RGS21: variants seen among roughly 807,000 people sequenced by gnomAD.
RGS21 encodes regulator of G-protein signalling 21.
RGS21 carries 19 observed loss-of-function variants against 18.7 expected under a neutral mutation model. The observed-to-expected ratio is 1.01, with a 90% CI of 0.71 to 1.49. The LOEUF is 1.49. Among genes scored for constraint, RGS21 ranks in the 40% most tolerant of loss-of-function variants. RGS21 has a pLI of 0.00. For synonymous variants in RGS21, 56 were observed against 57.8 expected (o/e 0.97, Z 0.14); for missense variants, 194 against 176.8 (o/e 1.10, Z -0.55).
intron 1 of RGS21, among the ~76,000 whole-genome samples, chr1:192,326,414 T>C (rs1658569290): frequency 1.3e-5 from 2 of 152,034 alleles, no homozygotes; most frequent in Admixed American, 1.3e-4. Context: ...GTAAGATAAA[T>C]TCCACACCTA....
chr1:192,338,123 C>T (rs918427893), intron 1 of RGS21, among the ~76,000 whole-genome samples: 3 of 152,054 alleles, frequency 2.0e-5, no homozygotes, highest in African/African-American at 7.2e-5. Flanking sequence ...TCCAAGCAGC[C>T]ACTTTGGGAG....
chr1:192,354,075 G>T (rs1019726699), intron 4 of RGS21, among the ~76,000 whole-genome samples: 1 of 151,376 alleles, frequency 6.6e-6, no homozygotes, highest in South Asian at 2.1e-4. Context: ...ATATTACACC[G>T]ATTGCAATCT....
rs1241233239 is a variant in RGS21, at chr1:192,347,353, T to C, written c.52T>C (p.Trp18Arg). The change falls in exon 3 of 5, where the codon TGG (tryptophan) becomes CGG (arginine). Residue 18 changes from tryptophan (W) to arginine (R), a missense_variant. Trp to Arg is a moderately radical substitution (Grantham distance 101). Coordinates refer to ENST00000417209, the MANE Select transcript of RGS21 (RefSeq NM_001039152.3). ...GTCACCAACTGCGGAAACAATGACA[T>C]GGTCTGAAAATATGGACACGCTTTT... ...YRSPTAETMT[W>R]SENMDTLLAN... is the part of the protein sequence containing the mutation. The C allele has an allele frequency of 6.2e-7, 1 of 1,607,992 alleles. No individual in the cohort carries two copies. The highest frequency in any genetic ancestry group is 8.5e-7 in the Non-Finnish European group (1 of 1,175,240).
intron 4 of RGS21, among the ~76,000 whole-genome samples, chr1:192,357,153 A>G (rs956918394): frequency 6.6e-6 from 1 of 151,890 alleles, no homozygotes; most frequent in Non-Finnish European, 1.5e-5. Flanking sequence ...ATTTCGAAGA[A>G]GTAACTGGTA....
intron 4 of RGS21, among the ~76,000 whole-genome samples, chr1:192,358,145 C>A (rs1659135882): frequency 6.6e-6 from 1 of 151,972 alleles, no homozygotes; most frequent in African/African-American, 2.4e-5. Context: ...CCTTTATCAC[C>A]ACAGAAATCG....
chr1:192,366,098 C>G lies in RGS21; in HGVS notation c.433C>G (p.His145Asp). Residue 145 changes from histidine to aspartate, a missense_variant, in exon 5 of 5, where the codon CAT (histidine) becomes GAT (aspartate). His to Asp is a moderately conservative substitution (Grantham distance 81). Transcript: ENST00000417209. ...KLVNSQQVPN[H>D]KKWLPFL ...GGTAAATAGCCAACAGGTTCCAAAT[C>G]ATAAAAAATGGCTCCCTTTTTTGTG... 1 of 1,607,914 alleles carries G rather than the reference C, an allele frequency of 6.2e-7. No homozygotes were observed. The highest frequency in any genetic ancestry group is 8.5e-7 in the Non-Finnish European group (1 of 1,177,122).
At chr1:192,334,104 T>C (rs1427486214) in intron 1 of RGS21, among the ~76,000 whole-genome samples, 3 of 152,186 alleles carry the variant, frequency 2.0e-5, no homozygotes, top group Admixed American at 6.5e-5. Context: ...TAGCATTGTC[T>C]TTGGGTCTGC....
At chr1:192,334,195 A>G (rs1480898617) in intron 1 of RGS21, among the ~76,000 whole-genome samples, 1 of 152,186 alleles carries the variant, frequency 6.6e-6, no homozygotes, top group Admixed American at 6.5e-5. Context: ...TTGGACTTAA[A>G]GAGACCTGAG....
At chr1:192,343,507 T>A (rs1209577860) in intron 2 of RGS21, among the ~76,000 whole-genome samples, 2 of 152,110 alleles carry the variant, frequency 1.3e-5, no homozygotes, top group Non-Finnish European at 2.9e-5. Context: ...AGCTAAGTTG[T>A]TGGATTCCAC....
intron 1 of RGS21, among the ~76,000 whole-genome samples, chr1:192,339,888 T>G (rs1658831469): frequency 6.7e-6 from 1 of 149,218 alleles, no homozygotes; most frequent in Non-Finnish European, 1.5e-5. Context: ...TCTATGATTC[T>G]GCTAAATCCC....
At chr1:192,352,957 C>T (rs1659064538) in intron 4 of RGS21, among the ~76,000 whole-genome samples, 1 of 151,964 alleles carries the variant, frequency 6.6e-6, no homozygotes, top group African/African-American at 2.4e-5. Flanking sequence ...GGATTTCTTG[C>T]TGAATATATT....
At chr1:192,342,896 T>G in intron 1 of RGS21, 81 bp from the exon 2 acceptor site, 1 of 774,670 alleles carries the variant, frequency 1.3e-6, no homozygotes, top group Admixed American at 2.1e-5. Flanking sequence ...AATAGCAGAA[T>G]TTAAAGAATG....
chr1:192,335,775 G>C lies in RGS21; in HGVS notation c.-60-7202G>C, dbSNP rs150845362. ...AATTACAGAAGACAAAAACTGGGTA[G>C]AGAATTCCAAGTAGAAGAAATTTCA... On this transcript the variant is annotated intron_variant, in intron 1 of 4. Coordinates refer to ENST00000417209, the MANE Select transcript of RGS21 (RefSeq NM_001039152.3). Among the ~76,000 whole-genome samples the C allele has an allele frequency of 8.2e-3, 1,256 of 152,262 alleles. 11 individuals are homozygous for C. The highest frequency in any genetic ancestry group is 0.012 in the Non-Finnish European group (847 of 68,020).
At chr1:192,330,268 G>A (rs1462226264) in intron 1 of RGS21, among the ~76,000 whole-genome samples, 2 of 152,186 alleles carry the variant, frequency 1.3e-5, no homozygotes, top group East Asian at 3.8e-4. Context: ...GGGAAATCAT[G>A]CAAGCAAAGC....
intron 1 of RGS21, among the ~76,000 whole-genome samples, chr1:192,321,880 A>T (rs899345486): frequency 5.9e-5 from 9 of 152,024 alleles, no homozygotes; most frequent in African/African-American, 2.2e-4. Context: ...TTGACTAAAA[A>T]ATAAAAAACA....
At position 192,347,381 on chromosome 1, in the gene RGS21, C is replaced by T; in HGVS notation, c.80C>T (p.Ala27Val). 6.4e-7 allele frequency: 1 copy of T among 1,572,422 alleles called. No individual in the cohort carries two copies. Among genetic ancestry groups the T allele is most frequent in the Non-Finnish European group, 8.7e-7 (1 of 1,144,194 alleles). The change falls in exon 3 of 5, where the codon GCC becomes GTC. Residue 27 changes from alanine (A) to valine (V), a missense_variant. Physicochemically the swap from Ala to Val is moderately conservative, Grantham distance 64. Coordinates refer to ENST00000417209, the MANE Select transcript of RGS21 (RefSeq NM_001039152.3). ...TWSENMDTLL[A>V]NQAGLDAFRI... Reference sequence around the variant, plus strand: ...TCTGAAAATATGGACACGCTTTTAGCCAACCAAGGTAAGATTTAACTAATA... The same window carrying T: ...TCTGAAAATATGGACACGCTTTTAGTCAACCAAGGTAAGATTTAACTAATA...
chr1:192,352,055 G>T lies in RGS21; in HGVS notation c.97G>T (p.Asp33Tyr). ...DTLLANQAGLDAFRIFLKSEF... is the reference protein window; with the variant it reads ...DTLLANQAGLYAFRIFLKSEF... ...TCTCATATATTTTATAGCTGGTCTA[G>T]ATGCTTTTCGAATATTTCTAAAATC... The change falls in exon 4 of 5, where the codon GAT becomes TAT. Residue 33 changes from aspartate to tyrosine, a missense_variant. Transcript: ENST00000417209. The T allele has an allele frequency of 1.3e-6, 2 of 1,592,558 alleles. No individual in the cohort carries two copies. The highest frequency in any genetic ancestry group is 1.7e-4 in the Middle Eastern group (1 of 5,912).
chr1:192,328,241 A>G (rs1658597093), intron 1 of RGS21, among the ~76,000 whole-genome samples: 1 of 152,186 alleles, frequency 6.6e-6, no homozygotes, highest in Admixed American at 6.5e-5. Context: ...CAGACGTATG[A>G]TACAAGACTA....
intron 1 of RGS21, among the ~76,000 whole-genome samples, chr1:192,333,400 T>C (rs1658689967): frequency 6.6e-6 from 1 of 152,024 alleles, no homozygotes; most frequent in Non-Finnish European, 1.5e-5. Context: ...AGCAGCTCTA[T>C]GTGTCATAGA....
Sources: allele counts gnomAD v4.1 joint callset (sites outside exome capture counted in the v4.1 genomes callset), GRCh38; gene constraint gnomAD v4.1.1; transcripts MANE v1.5; gene names NCBI Gene and HGNC (gene_info 2026-07-23, HGNC 2026-07-21).